The following PIK3C2G variants were observed in gnomAD, a reference collection of about 807,000 sequenced individuals.
PIK3C2G encodes the protein phosphatidylinositol 3-kinase C2 domain-containing subunit gamma.
Under a neutral mutation model 181.1 loss-of-function variants are expected in PIK3C2G, and 168 were observed. The ratio of observed to expected loss-of-function variants is 0.93; its 90% CI spans 0.82 to 1.05. PIK3C2G has a LOEUF of 1.05. Among genes scored for constraint, PIK3C2G ranks in the 50% least tolerant of loss-of-function variants. The pLI, the probability that PIK3C2G is intolerant of heterozygous loss-of-function variation, is 0.00. For synonymous variants in PIK3C2G, 573 were observed against 592.2 expected (o/e 0.97, Z 0.47); for missense variants, 1,869 against 1,732.8 (o/e 1.08, Z -1.40).
chr12:18,394,584 T>C (rs942389038), intron 15 of PIK3C2G, among the ~76,000 whole-genome samples: 1 of 151,910 alleles, frequency 6.6e-6, no homozygotes, highest in East Asian at 1.9e-4. Flanking sequence ...AAGATGTATA[T>C]GAATGAACAA....
intron 24 of PIK3C2G, among the ~76,000 whole-genome samples, chr12:18,528,098 G>A (rs1266157591): frequency 6.6e-6 from 1 of 152,050 alleles, no homozygotes; most frequent in Non-Finnish European, 1.5e-5. Flanking sequence ...TCATCATATT[G>A]TACATGTGAG....
chr12:18,524,303 C>A (rs1017505602), intron 24 of PIK3C2G, among the ~76,000 whole-genome samples: 8 of 152,164 alleles, frequency 5.3e-5, no homozygotes, highest in African/African-American at 1.9e-4. Flanking sequence ...AGAACCATTT[C>A]TTTTACTGTG....
chr12:18,358,196 C>A (rs1053125412), intron 11 of PIK3C2G, among the ~76,000 whole-genome samples: 12 of 152,134 alleles, frequency 7.9e-5, no homozygotes, highest in African/African-American at 2.9e-4. Context: ...TTTATTATTT[C>A]TTTTCTTCTG....
chr12:18,542,993 T>C (rs989430975), intron 25 of PIK3C2G, among the ~76,000 whole-genome samples: 1 of 152,032 alleles, frequency 6.6e-6, no homozygotes. Context: ...TTGAACTAAT[T>C]TATACTCCAA....
At chr12:18,578,787 T>C (rs1348937271) in intron 29 of PIK3C2G, among the ~76,000 whole-genome samples, 1 of 152,172 alleles carries the variant, frequency 6.6e-6, no homozygotes, top group African/African-American at 2.4e-5. Flanking sequence ...TTAAGTGATA[T>C]GAACGTCTTA....
intron 18 of PIK3C2G, among the ~76,000 whole-genome samples, chr12:18,473,297 T>C (rs1938628587): frequency 6.6e-6 from 1 of 152,236 alleles, no homozygotes; most frequent in Admixed American, 6.5e-5. Context: ...GTTATTGTTG[T>C]TGTTTAATTT....
intron 18 of PIK3C2G, among the ~76,000 whole-genome samples, chr12:18,442,223 C>A (rs1946782790): frequency 6.6e-6 from 1 of 151,874 alleles, no homozygotes; most frequent in Admixed American, 6.6e-5. Flanking sequence ...ACAGTATTAA[C>A]CCCAAAACTA....
At chr12:18,301,281 G>A (rs1950165498) in intron 5 of PIK3C2G, among the ~76,000 whole-genome samples, 1 of 152,060 alleles carries the variant, frequency 6.6e-6, no homozygotes. Context: ...TTCAGCTATT[G>A]TTTTATTATA....
At chr12:18,459,998 CAAG>C (rs1947830804) in intron 18 of PIK3C2G, among the ~76,000 whole-genome samples, 1 of 152,180 alleles carries the variant, frequency 6.6e-6, no homozygotes. Context: ...CTCCTGACCT[CAAG>C]TAAGATGCCC....
At chr12:18,693,000 G>A in the PIK3C2G span, 1 of 1,407,818 alleles carries the variant, frequency 7.1e-7, no homozygotes, top group East Asian at 2.3e-5. Flanking sequence ...TCTTCTCATG[G>A]AGGAAGAATT....
intron 29 of PIK3C2G, 102 bp from the exon 30 acceptor site, chr12:18,594,392 G>T (rs556276353): frequency 3.2e-6 from 2 of 621,518 alleles, no homozygotes; most frequent in East Asian, 3.4e-5. Flanking sequence ...TCTATAACAG[G>T]TATCTATTTT....
intron 1 of PIK3C2G, among the ~76,000 whole-genome samples, chr12:18,254,328 G>A (rs1024244323): frequency 7.2e-5 from 11 of 151,926 alleles, no homozygotes; most frequent in African/African-American, 2.7e-4. Context: ...CTGTTTCTTG[G>A]CTCTTTACCA....
intron 30 of PIK3C2G, among the ~76,000 whole-genome samples, chr12:18,595,761 C>T (rs893454612): frequency 6.6e-6 from 1 of 152,104 alleles, no homozygotes; most frequent in Non-Finnish European, 1.5e-5. Context: ...TCTGCTGCCA[C>T]TGTCTTGAAA....
chr12:18,426,654 G>A (rs1301692082), intron 18 of PIK3C2G, among the ~76,000 whole-genome samples: 1 of 152,060 alleles, frequency 6.6e-6, no homozygotes, highest in African/African-American at 2.4e-5. Context: ...TGATAGTTAA[G>A]ACCACTAAAT....
chr12:18,383,605 C>A (rs868683612), intron 14 of PIK3C2G, among the ~76,000 whole-genome samples: 7 of 151,974 alleles, frequency 4.6e-5, no homozygotes, highest in Non-Finnish European at 7.4e-5. Context: ...CAAAATATGG[C>A]AAGTTAGTTA....
intron 26 of PIK3C2G, among the ~76,000 whole-genome samples, chr12:18,553,039 C>G (rs1944815610): frequency 1.3e-5 from 2 of 151,910 alleles, no homozygotes; most frequent in South Asian, 4.2e-4. Context: ...GCGCTGTTTC[C>G]CAACAGCTGT....
chr12:18,525,722 T>G (rs1018092209), intron 24 of PIK3C2G, among the ~76,000 whole-genome samples: 1 of 152,194 alleles, frequency 6.6e-6, no homozygotes, highest in African/African-American at 2.4e-5. Context: ...AATCAGAGCT[T>G]TTTTCCTAAG....
At chr12:18,407,413 C>T (rs926156753) in intron 16 of PIK3C2G, among the ~76,000 whole-genome samples, 21 of 152,154 alleles carry the variant, frequency 1.4e-4, no homozygotes, top group African/African-American at 5.1e-4. Flanking sequence ...TCTATTTCCT[C>T]CATTTTACTG....
At position 18,562,277 on chromosome 12, in the gene PIK3C2G, A is replaced by G. The variant is rs950663392; in HGVS notation, c.3591-426A>G. ...CTCCCGAGTAGCTGGGACTACAGGC[A>G]CCCGCCACCACGCCCGGCTAATTTT... On this transcript the variant is annotated intron_variant, in intron 26 of 32. Coordinates refer to ENST00000538779, the MANE Select transcript of PIK3C2G (RefSeq NM_001288772.2). 2.1e-3 allele frequency among the ~76,000 whole-genome samples: 324 copies of G among 152,016 alleles called. 1 individual carries two copies. The highest frequency in any genetic ancestry group is 7.0e-3 in the African/African-American group (290 of 41,470).
Sources: gnomAD v4.1 joint callset for allele counts (sites outside exome capture counted in the v4.1 genomes callset) on GRCh38, gnomAD v4.1.1 for gene constraint, MANE v1.5 for transcripts, NCBI Gene and HGNC (gene_info 2026-07-23, HGNC 2026-07-21) for gene names.